DDX25: variants seen among roughly 807,000 people sequenced by gnomAD.
DDX25 encodes the protein ATP-dependent RNA helicase DDX25.
Under a neutral mutation model 64.6 loss-of-function variants are expected in DDX25, and 70 were observed. The observed-to-expected ratio is 1.08, with a 90% CI of 0.89 to 1.32. The LOEUF is 1.32. Among genes scored for constraint, DDX25 ranks in the 40% most tolerant of loss-of-function variants. DDX25 has a pLI of 0.00. For missense variants in DDX25, 587 were observed against 604.4 expected (o/e 0.97, Z 0.30); for synonymous variants, 211 against 213.3 (o/e 0.99, Z 0.09).
At chr11:125,907,415 T>A (rs12283546) in intron 4 of DDX25, among the ~76,000 whole-genome samples, 8 of 152,196 alleles carry the variant, frequency 5.3e-5, no homozygotes, top group Admixed American at 1.3e-4. Context: ...GAGACCATCC[T>A]GGCTAACACA....
intron 3 of DDX25, 54 bp downstream of exon 3, chr11:125,905,651 A>G (rs1469484514): frequency 1.3e-6 from 2 of 1,496,384 alleles, no homozygotes. Flanking sequence ...TCCGTTTATA[A>G]CTTTAATAGT....
In DDX25 at chr11:125,913,982, T is replaced by C. The variant is rs547848012; in HGVS notation, c.800+2494T>C. Reference sequence around the variant, plus strand: ...ATTGAGCATTCCGTTTCTGTCTGTCTCAATCACACTGGTGGTGGTCTCTGA... The same window carrying C: ...ATTGAGCATTCCGTTTCTGTCTGTCCCAATCACACTGGTGGTGGTCTCTGA... On this transcript the variant is annotated intron_variant, in intron 8 of 11. Transcript: ENST00000263576. Among the ~76,000 whole-genome samples the C allele has an allele frequency of 3.9e-5, 6 of 152,382 alleles. No homozygotes were observed. The South Asian group carries it at 1.0e-3, about 26-fold the overall frequency.
intron 8 of DDX25, 33 bp downstream of exon 8, chr11:125,911,521 CT>C: frequency 1.1e-5 from 18 of 1,596,006 alleles, no homozygotes; most frequent in Non-Finnish European, 1.5e-5. Flanking sequence ...CTTCCTCAGC[CT>C]TCTGTCCAGA....
chr11:125,904,615 G>C, intron 1 of DDX25, 35 bp downstream of exon 1: 1 of 1,431,590 alleles, frequency 7.0e-7, no homozygotes, highest in South Asian at 1.4e-5. Flanking sequence ...CACAGCCGCG[G>C]GGGTGGAGCT....
chr11:125,921,540 CAG>C lies in DDX25; in HGVS notation c.1390+163_1390+164del. 1.4e-6 allele frequency: 1 copy of C among 726,862 alleles called. No individual in the cohort carries two copies. Among genetic ancestry groups the C allele is most frequent in the South Asian group, 2.2e-5 (1 of 45,176 alleles). The allele number at this position is 726,862 out of a possible 1,614,324, so 45.0% of individuals were successfully genotyped here. ...ACAGGACCAGGGTTCTAATATGAGA[CAG>C]ATGATTAAATAATGCTTATATGGTA... On this transcript the variant is annotated intron_variant, in intron 11 of 11. Coordinates refer to ENST00000263576, the MANE Select transcript of DDX25 (RefSeq NM_013264.5). The surrounding 1 kb of genome is among the most constrained non-coding windows in gnomAD (Gnocchi z 4.1).
At chr11:125,904,313 C>T (rs1359404647), upstream of DDX25, 1 of 392,170 alleles carries the variant, frequency 2.5e-6, no homozygotes, top group African/African-American at 2.1e-5. Flanking sequence ...CCGCCCCGCT[C>T]TCTGCCCCCC....
chr11:125,911,274 G>A (rs1007354147), intron 7 of DDX25, 37 bp from the exon 8 acceptor site: 2 of 1,564,348 alleles, frequency 1.3e-6, no homozygotes, highest in Non-Finnish European at 1.7e-6. Flanking sequence ...GGAGTTGTTT[G>A]CATCTGAAGG....
At chr11:125,907,875 A>G (rs566936767) in intron 4 of DDX25, among the ~76,000 whole-genome samples, 13 of 152,246 alleles carry the variant, frequency 8.5e-5, no homozygotes, top group Non-Finnish European at 1.8e-4. Context: ...GGCAGAAAAT[A>G]TAACTCTCTT....
At chr11:125,917,650 T>G (rs1442696383) in intron 9 of DDX25, among the ~76,000 whole-genome samples, 1 of 152,196 alleles carries the variant, frequency 6.6e-6, no homozygotes, top group Non-Finnish European at 1.5e-5. Context: ...ATTTTCTCAC[T>G]ACCCCGTAAA....
chr11:125,908,224 G>A lies in DDX25; in HGVS notation c.340G>A (p.Ala114Thr), dbSNP rs1944920150. ...LKEELLKGIY[A>T]MGFNRPSKIQ... ...GGAAGAGTTACTAAAAGGAATCTAT[G>A]CAATGGGATTTAATAGGCCATCTAA... Residue 114 changes from alanine to threonine, a missense_variant, in exon 5 of 12, where the codon GCA (alanine) becomes ACA (threonine). By Grantham distance (58) the Ala-to-Thr change is moderately conservative. Coordinates refer to ENST00000263576, the MANE Select transcript of DDX25 (RefSeq NM_013264.5). The A allele has an allele frequency of 6.2e-7, 1 of 1,611,092 alleles. No homozygotes were observed.
At chr11:125,919,739 A>G (rs1410272254) in intron 10 of DDX25, among the ~76,000 whole-genome samples, 1 of 152,056 alleles carries the variant, frequency 6.6e-6, no homozygotes, top group Non-Finnish European at 1.5e-5. Flanking sequence ...TGAAAAAAGG[A>G]TGATGTCTCT....
chr11:125,918,853 G>A (rs894762280), intron 10 of DDX25, 63 bp downstream of exon 10: 3 of 1,492,020 alleles, frequency 2.0e-6, no homozygotes, highest in South Asian at 1.3e-5. Context: ...TTCCTTTTAA[G>A]TGTACAGTTT....
chr11:125,923,051 T>TTGA lies in DDX25; in HGVS notation c.*173_*175dup. On this transcript the variant is annotated 3_prime_UTR_variant, in exon 12 of 12. Transcript: ENST00000263576. ...GACATGAGGTCTTTTTGAAGCCAAA[T>TTGA]TGATGTGAAGCTTGTGATCCTTTTG... 1.7e-6 allele frequency: 1 copy of TTGA among 588,650 alleles called. No homozygotes were observed. The highest frequency in any genetic ancestry group is 3.0e-6 in the Non-Finnish European group (1 of 333,990). The allele number at this position is 588,650 out of a possible 1,614,324, so 36.5% of individuals were successfully genotyped here.
Position 125,918,681 on chromosome 11 carries a change from G to A in DDX25, c.1092G>A (p.Gln364=). The change falls in exon 10 of 12, where the codon CAG becomes CAA. Residue 364 remains glutamine (Q), a synonymous_variant. Transcript: ENST00000263576. Reference sequence around the variant, plus strand: ...TGGAGATGATACAGGATGGCCACCAGGTGTCTTTGTTAAGCGGGGAGCTGA... The same window carrying A: ...TGGAGATGATACAGGATGGCCACCAAGTGTCTTTGTTAAGCGGGGAGCTGA... ...LTVEMIQDGH[Q]VSLLSGELTV... is the part of the protein sequence containing the mutation. The A allele has an allele frequency of 6.2e-7, 1 of 1,613,974 alleles. No homozygotes were observed. Among genetic ancestry groups the A allele is most frequent in the Non-Finnish European group, 8.5e-7 (1 of 1,179,886 alleles).
intron 10 of DDX25, among the ~76,000 whole-genome samples, chr11:125,920,490 G>A (rs1945096466): frequency 6.6e-6 from 1 of 152,120 alleles, no homozygotes; most frequent in African/African-American, 2.4e-5. Flanking sequence ...AGTTGAATGA[G>A]AATTTACGTT....
At chr11:125,912,110 A>C (rs1217748094) in intron 8 of DDX25, among the ~76,000 whole-genome samples, 1 of 152,224 alleles carries the variant, frequency 6.6e-6, no homozygotes, top group East Asian at 1.9e-4. Flanking sequence ...CTTGTAATGA[A>C]AAACAGTAAC....
chr11:125,904,479 TG>T, upstream of DDX25: 1 of 1,455,962 alleles, frequency 6.9e-7, no homozygotes, highest in Non-Finnish European at 9.1e-7. Context: ...GCGCCGGTGG[TG>T]GAAGCACGTG....
intron 8 of DDX25, 126 bp downstream of exon 8, chr11:125,911,614 GTT>G: frequency 9.7e-7 from 1 of 1,026,564 alleles, no homozygotes; most frequent in Non-Finnish European, 1.4e-6. Context: ...ATAAATTTGA[GTT>G]TTTACATTAT....
intron 2 of DDX25, 71 bp from the exon 3 acceptor site, chr11:125,905,482 T>G: frequency 6.7e-7 from 1 of 1,492,980 alleles, no homozygotes; most frequent in Non-Finnish European, 9.1e-7. Flanking sequence ...AAGAAAAAAT[T>G]GAATAGCATG....
Sources: gnomAD v4.1 joint callset for allele counts (sites outside exome capture counted in the v4.1 genomes callset) on GRCh38, gnomAD v4.1.1 for gene constraint, Gnocchi (gnomAD v3.1) non-coding constraint, MANE v1.5 for transcripts, NCBI Gene and HGNC (gene_info 2026-07-23, HGNC 2026-07-21) for gene names.